The following ADCY10 variants were observed in gnomAD, a reference collection of about 807,000 sequenced individuals.
ADCY10 encodes the protein adenylate cyclase 10, also known as adenylate cyclase type 10.
ADCY10 carries 156 observed loss-of-function variants against 183.3 expected under a neutral mutation model. The ratio of observed to expected loss-of-function variants is 0.85; its 90% confidence interval spans 0.75 to 0.97. The LOEUF (loss-of-function observed/expected upper bound fraction) is 0.97. Ranked by LOEUF, ADCY10 falls within the 50% of genes least tolerant of loss-of-function variation. The pLI is 0.00. For synonymous variants in ADCY10, 645 were observed against 670.0 expected, an observed-to-expected ratio of 0.96 and a Z score of 0.58; for missense variants, 1,745 against 1,934.3, an observed-to-expected ratio of 0.90 and a Z score of 1.84.
At chr1:167,866,491 G>A (rs1213762245) in intron 14 of ADCY10, among the ~76,000 whole-genome samples, 1 of 149,154 alleles carries the variant, frequency 6.7e-6, no homozygotes, top group African/African-American at 2.5e-5. Flanking sequence ...CCCCAGCCCT[G>A]GGGCTACCTG....
chr1:167,811,725 C>A (rs1181589517), intron 31 of ADCY10, among the ~76,000 whole-genome samples: 2 of 152,122 alleles, frequency 1.3e-5, no homozygotes, highest in Non-Finnish European at 2.9e-5. Context: ...CAAGTGGAAA[C>A]CACTGTGGGA....
chr1:167,869,418 C>T (rs535627291), intron 14 of ADCY10, among the ~76,000 whole-genome samples: 22 of 152,154 alleles, frequency 1.4e-4, no homozygotes, highest in African/African-American at 5.1e-4. Flanking sequence ...GAGTCTCAAA[C>T]GGGGGAAATG....
At chr1:167,867,323 G>A (rs1265876616) in intron 14 of ADCY10, among the ~76,000 whole-genome samples, 1 of 152,114 alleles carries the variant, frequency 6.6e-6, no homozygotes, top group African/African-American at 2.4e-5. Flanking sequence ...GTCCACGCAC[G>A]GCCGAAGCAT....
intron 3 of ADCY10, among the ~76,000 whole-genome samples, chr1:167,903,255 C>G (rs1383239659): frequency 7.0e-6 from 1 of 143,176 alleles, no homozygotes; most frequent in African/African-American, 2.6e-5. Flanking sequence ...GACTCTGACT[C>G]AAAAAAAAAA....
rs1241083914 is a variant in ADCY10, at chr1:167,836,358, TA to T, written c.3259del (p.Tyr1087ThrfsTer3). Reference sequence around the variant, plus strand: ...ATAAGCAGATGCAATTTCTAAGAAGTAATATAAGGCTTTGTCATTTTCTCCC... The same window carrying T: ...ATAAGCAGATGCAATTTCTAAGAAGTATATAAGGCTTTGTCATTTTCTCCC... ...ALGENDKALYYFLEIASAYLI... is the reference protein window; with the variant it reads ...ALGENDKALYXFLEIASAYLI... On this transcript the variant is annotated frameshift_variant, in exon 23 of 33. Transcript: ENST00000367851. LOFTEE classifies it high-confidence loss of function. 1.2e-6 allele frequency: 2 copies of T among 1,614,100 alleles called. No homozygotes were observed. The highest frequency in any genetic ancestry group is 1.7e-6 in the Non-Finnish European group (2 of 1,179,992).
rs1432664671 is a variant in ADCY10, at chr1:167,846,993, TC to T, written c.2438-731del. ...CCAAGCTGGAGTGCAATGGCTGATC[TC>T]GGCTCACTGCAACCTCCGCCTCCTG... On this transcript the variant is annotated intron_variant, in intron 19 of 32. Coordinates refer to ENST00000367851, the MANE Select transcript of ADCY10 (RefSeq NM_018417.6). Among the ~76,000 whole-genome samples the T allele has an allele frequency of 9.2e-5, 14 of 151,942 alleles. No individual in the cohort carries two copies. The South Asian group carries it at 2.7e-3, about 29-fold the overall frequency.
intron 1 of ADCY10, among the ~76,000 whole-genome samples, chr1:167,913,118 C>T (rs1366787032): frequency 6.6e-6 from 1 of 152,146 alleles, no homozygotes; most frequent in Non-Finnish European, 1.5e-5. Context: ...ATCAAGAATA[C>T]AGCATGAACA....
intron 26 of ADCY10, among the ~76,000 whole-genome samples, chr1:167,825,766 G>A (rs1000092435): frequency 2.0e-5 from 3 of 152,170 alleles, no homozygotes; most frequent in Admixed American, 1.3e-4. Flanking sequence ...TCCAGCCTGG[G>A]TGACTGAGTG....
chr1:167,837,544 T>C (rs1210293369), intron 21 of ADCY10, among the ~76,000 whole-genome samples: 5 of 152,246 alleles, frequency 3.3e-5, no homozygotes, highest in Non-Finnish European at 5.9e-5. Flanking sequence ...GATGGTTATG[T>C]GTCTTCTCTG....
chr1:167,861,373 G>A (rs1212880030), intron 14 of ADCY10, among the ~76,000 whole-genome samples: 1 of 152,126 alleles, frequency 6.6e-6, no homozygotes, highest in Admixed American at 6.5e-5. Context: ...ATTGCCTAAC[G>A]GCATGAACCC....
intron 18 of ADCY10, among the ~76,000 whole-genome samples, chr1:167,852,646 T>C (rs927669040): frequency 8.5e-5 from 13 of 152,206 alleles, no homozygotes; most frequent in African/African-American, 3.1e-4. Flanking sequence ...TCATTATCTA[T>C]TTAATGATCC....
chr1:167,903,644 G>C lies in ADCY10; in HGVS notation c.253+243C>G, dbSNP rs7542791. Among the ~76,000 whole-genome samples the C allele has an allele frequency of 0.16, 24,783 of 152,124 alleles. 3,057 individuals are homozygous for C. Among genetic ancestry groups the C allele is most frequent in the African/African-American group, 0.35 (14,392 of 41,458 alleles). ...CTACTACAGTTCTTTTAAAAGCAGT[G>C]TATAATTCAGCCCTCTAACACAAAA... On this transcript the variant is annotated intron_variant, in intron 3 of 32. Coordinates refer to ENST00000367851, the MANE Select transcript of ADCY10 (RefSeq NM_018417.6).
In ADCY10 at chr1:167,889,334, T is replaced by C. The variant is rs555504073; in HGVS notation, c.828+4519A>G. Among the ~76,000 whole-genome samples, 11 of 152,322 alleles carry C rather than the reference T, an allele frequency of 7.2e-5. No individual in the cohort carries two copies. The East Asian group carries it at 1.7e-3, about 24-fold the overall frequency. ...TTTTCAGCATCAACTGAAATGATAA[T>C]ATGGTTTTTGTCCTTCATTCTGTAG... On this transcript the variant is annotated intron_variant, in intron 8 of 32. Transcript: ENST00000367851.
intron 21 of ADCY10, among the ~76,000 whole-genome samples, chr1:167,845,052 T>G (rs1410756285): frequency 6.6e-6 from 1 of 152,202 alleles, no homozygotes; most frequent in African/African-American, 2.4e-5. Flanking sequence ...CTTTTTAACT[T>G]TTGCTTCTCC....
Position 167,900,539 on chromosome 1 carries a change from CT to C in ADCY10, c.437-912del, listed in dbSNP as rs375925534. On this transcript the variant is annotated intron_variant, in intron 5 of 32. Coordinates refer to ENST00000367851, the MANE Select transcript of ADCY10 (RefSeq NM_018417.6). ...CAACAAAATATTTAACTTATTTGGG[CT>C]TTTTTTTTTGAGATGGAGTTTCACG... is the stretch of plus-strand genomic sequence containing the variant. Among the ~76,000 whole-genome samples the C allele has an allele frequency of 2.5e-4, 37 of 147,076 alleles. No homozygotes were observed. The Middle Eastern group carries it at 0.011, about 42-fold the overall frequency.
At chr1:167,899,352 G>C in intron 6 of ADCY10, 71 bp downstream of exon 6, 1 of 1,485,302 alleles carries the variant, frequency 6.7e-7, no homozygotes. Flanking sequence ...AGCGTGCCCA[G>C]TGACTCTTCT....
intron 23 of ADCY10, among the ~76,000 whole-genome samples, chr1:167,835,651 G>A (rs1418135316): frequency 6.6e-6 from 1 of 152,150 alleles, no homozygotes; most frequent in Non-Finnish European, 1.5e-5. Context: ...CACTTTGGAA[G>A]GCCAAGGAGG....
At chr1:167,889,999 C>T (rs968057566) in intron 8 of ADCY10, among the ~76,000 whole-genome samples, 1 of 152,150 alleles carries the variant, frequency 6.6e-6, no homozygotes, top group Non-Finnish European at 1.5e-5. Flanking sequence ...TGAGTTTCCT[C>T]AAACAGCTTT....
intron 1 of ADCY10, among the ~76,000 whole-genome samples, chr1:167,912,513 A>C (rs752790314): frequency 1.3e-5 from 2 of 152,234 alleles, no homozygotes; most frequent in African/African-American, 2.4e-5. Flanking sequence ...TGTGAATGAC[A>C]TGCCTGGTCA....
Sources: gnomAD v4.1 joint callset for allele counts (sites outside exome capture counted in the v4.1 genomes callset) on GRCh38, gnomAD v4.1.1 for gene constraint, MANE v1.5 for transcripts, NCBI Gene and HGNC (gene_info 2026-07-23, HGNC 2026-07-21) for gene names.